The following CUL5 variants were observed in gnomAD, a reference collection of about 807,000 sequenced individuals.
CUL5 encodes cullin 5.
In CUL5, 26 loss-of-function variants were observed where a neutral mutation model predicts 108.8. That is an observed-to-expected ratio of 0.24 (90% CI 0.18 to 0.33). The LOEUF (loss-of-function observed/expected upper bound fraction) is 0.33. Ranked by LOEUF, CUL5 falls within the 10% of genes least tolerant of loss-of-function variation. The pLI is 1.00. For synonymous variants in CUL5, 334 were observed against 298.0 expected (o/e 1.12, Z -1.25); for missense variants, 524 against 909.2 (o/e 0.58, Z 5.45).
At chr11:108,057,384 C>A (rs1863409983) in intron 7 of CUL5, among the ~76,000 whole-genome samples, 1 of 152,092 alleles carries the variant, frequency 6.6e-6, no homozygotes, top group African/African-American at 2.4e-5. Context: ...AAAGTATCGT[C>A]CCCAAGATAT....
At chr11:108,049,123 T>C (rs1200692068) in intron 3 of CUL5, among the ~76,000 whole-genome samples, 1 of 152,196 alleles carries the variant, frequency 6.6e-6, no homozygotes, top group Non-Finnish European at 1.5e-5. Flanking sequence ...AAAGAAATCC[T>C]ATACCTATGA....
chr11:108,105,880 G>A lies in CUL5; in HGVS notation c.*1496G>A, dbSNP rs1306381331. On this transcript the variant is annotated 3_prime_UTR_variant, in exon 19 of 19. Transcript: ENST00000393094. ...ATACAGTATTATGTTACAGTGGAGT[G>A]CTTTCAAGAGCATTTCGTAGGATCT... is the stretch of plus-strand genomic sequence containing the variant. The A allele has an allele frequency of 6.6e-6, 1 of 152,142 alleles. No individual in the cohort carries two copies. Among genetic ancestry groups the A allele is most frequent in the Non-Finnish European group, 1.5e-5 (1 of 68,006 alleles). The allele number at this position is 152,142 out of a possible 1,614,324, so 9.4% of individuals were successfully genotyped here.
At chr11:108,097,793 T>C in intron 17 of CUL5, 39 bp downstream of exon 17, 2 of 1,164,822 alleles carry the variant, frequency 1.7e-6, no homozygotes. Context: ...AACACCTTGT[T>C]TGAATTTTAG....
chr11:108,094,514 G>A lies in CUL5; in HGVS notation c.1567G>A (p.Ala523Thr). The A allele has an allele frequency of 7.3e-7, 1 of 1,364,034 alleles. No homozygotes were observed. Among genetic ancestry groups the A allele is most frequent in the South Asian group, 1.4e-5 (1 of 72,312 alleles). 84.5% of individuals were successfully genotyped at this position (1,364,034 alleles called of 1,614,324 possible). A position where few individuals can be genotyped will look rare whatever the true frequency, so the allele number is the denominator to read the frequency against. The change falls in exon 14 of 19, where the codon GCT (alanine) becomes ACT (threonine). Residue 523 changes from alanine to threonine, a missense_variant and splice_region_variant. By Grantham distance (58) the Ala-to-Thr change is moderately conservative. Transcript: ENST00000393094. ...MHKNNKLALPADSVNIKILNA... is the reference protein window; with the variant it reads ...MHKNNKLALPTDSVNIKILNA... The stretch of plus-strand genomic sequence containing the variant: ...CAAAAATAATAAATTGGCATTACCA[G>A]GTATTATTTTATAATTACATGTATA...
At chr11:108,081,532 C>T (rs1387527064) in intron 11 of CUL5, among the ~76,000 whole-genome samples, 2 of 151,640 alleles carry the variant, frequency 1.3e-5, no homozygotes, top group Non-Finnish European at 2.9e-5. Context: ...GCGGGCAGAT[C>T]ACAAGGTCAG....
Position 108,012,526 on chromosome 11 carries a change from T to C in CUL5, c.24+3154T>C, listed in dbSNP as rs1190128595. ...CTTGGTGGTATGTCCCCTCTTACTT[T>C]TTTTTTTTTTTTTTCAGTTTCCCTT... On this transcript the variant is annotated intron_variant, in intron 1 of 18. Coordinates refer to ENST00000393094, the MANE Select transcript of CUL5 (RefSeq NM_003478.6). Among the ~76,000 whole-genome samples the C allele has an allele frequency of 4.7e-3, 288 of 61,226 alleles. 3 individuals carry two copies. The highest frequency in any genetic ancestry group is 0.027 in the Middle Eastern group (2 of 74). The allele number at this position is 61,226 out of a possible 152,430, so 40.2% of individuals were successfully genotyped here.
intron 9 of CUL5, 43 bp from the exon 10 acceptor site, chr11:108,073,347 T>C: frequency 1.1e-6 from 1 of 871,790 alleles, no homozygotes; most frequent in Non-Finnish European, 1.8e-6. Context: ...TTTGTGTTAT[T>C]CTTTTTCTTT....
intron 7 of CUL5, among the ~76,000 whole-genome samples, chr11:108,065,028 T>G (rs1565254230): frequency 6.6e-6 from 1 of 151,980 alleles, no homozygotes; most frequent in African/African-American, 2.4e-5. Flanking sequence ...TTTAATTAAT[T>G]AATTAATTTT....
At chr11:108,099,645 T>G (rs910034920) in intron 18 of CUL5, among the ~76,000 whole-genome samples, 3 of 152,112 alleles carry the variant, frequency 2.0e-5, no homozygotes, top group African/African-American at 4.8e-5. Context: ...TTTCAGTGAG[T>G]TGTGATAAAT....
chr11:108,025,841 A>G (rs1334858315), intron 1 of CUL5, among the ~76,000 whole-genome samples: 1 of 152,142 alleles, frequency 6.6e-6, no homozygotes, highest in Non-Finnish European at 1.5e-5. Context: ...TCTTAAATGT[A>G]GTGAAACCCC....
chr11:108,085,580 C>G (rs1020386353), intron 11 of CUL5, among the ~76,000 whole-genome samples: 24 of 152,126 alleles, frequency 1.6e-4, no homozygotes, highest in African/African-American at 5.8e-4. Context: ...AATGATAAAT[C>G]TTTTTTACTC....
intron 2 of CUL5, among the ~76,000 whole-genome samples, chr11:108,034,498 C>A (rs568064210): frequency 6.6e-5 from 10 of 152,150 alleles, no homozygotes; most frequent in Non-Finnish European, 1.5e-4. Flanking sequence ...GCTAATCTTA[C>A]AAGCAGGCAT....
intron 5 of CUL5, 37 bp downstream of exon 5, chr11:108,052,838 C>T: frequency 6.4e-7 from 1 of 1,556,532 alleles, no homozygotes; most frequent in Non-Finnish European, 8.7e-7. Context: ...ATTTCTGTTT[C>T]ATGGAAATTG....
At chr11:108,013,939 A>G (rs1862117273) in intron 1 of CUL5, among the ~76,000 whole-genome samples, 1 of 152,210 alleles carries the variant, frequency 6.6e-6, no homozygotes, top group African/African-American at 2.4e-5. Context: ...CATTATTAAA[A>G]TAACTTTATT....
chr11:108,021,984 A>G (rs1466167154), intron 1 of CUL5, among the ~76,000 whole-genome samples: 2 of 151,604 alleles, frequency 1.3e-5, no homozygotes, highest in Middle Eastern at 3.2e-3. Context: ...CCATCTATCT[A>G]TCTGTATCTA....
intron 17 of CUL5, among the ~76,000 whole-genome samples, 183 bp from the exon 18 acceptor site, chr11:108,098,223 T>C (rs529419511): frequency 7.2e-5 from 11 of 152,334 alleles, no homozygotes; most frequent in African/African-American, 2.4e-4. Flanking sequence ...AGGTTAGTTA[T>C]CATGTTTAAG....
At chr11:108,046,818 C>G (rs1374796617) in intron 3 of CUL5, among the ~76,000 whole-genome samples, 1 of 152,124 alleles carries the variant, frequency 6.6e-6, no homozygotes, top group Non-Finnish European at 1.5e-5. Context: ...TCTTACATTG[C>G]TGTTATGTAT....
chr11:108,038,224 ATGT>A (rs72392553), intron 2 of CUL5, among the ~76,000 whole-genome samples: 17,340 of 152,098 alleles, frequency 0.11, 1,109 homozygotes, highest in Non-Finnish European at 0.14. Context: ...TTTGTTGTTA[ATGT>A]TGTTTTTGCC....
chr11:108,028,604 C>T (rs752950898), intron 1 of CUL5, among the ~76,000 whole-genome samples: 29 of 151,988 alleles, frequency 1.9e-4, no homozygotes, highest in Non-Finnish European at 4.0e-4. Context: ...TTTCGGAGGC[C>T]GAAGCGGGCG....
Sources: allele counts gnomAD v4.1 joint callset (sites outside exome capture counted in the v4.1 genomes callset), GRCh38; gene constraint gnomAD v4.1.1; transcripts MANE v1.5; gene names NCBI Gene and HGNC (gene_info 2026-07-23, HGNC 2026-07-21).